CSMD1: variants seen among roughly 807,000 people sequenced by gnomAD.
CSMD1 encodes CUB and Sushi multiple domains 1.
In CSMD1, 213 loss-of-function variants were observed where a neutral mutation model predicts 417.5. That is an observed-to-expected ratio of 0.51 (90% CI 0.46 to 0.57). The LOEUF (loss-of-function observed/expected upper bound fraction) is 0.57, where lower values mean the gene tolerates loss of function less well. Ranked by LOEUF, CSMD1 falls within the 20% of genes least tolerant of loss-of-function variation. The pLI is 0.00. For synonymous variants in CSMD1, 2,862 were observed against 1,736.8 expected, an observed-to-expected ratio of 1.65 and a Z score of -16.11; for missense variants, 6,923 against 4,529.7, an observed-to-expected ratio of 1.53 and a Z score of -15.17.
chr8:3,383,643 C>T (rs11780204), intron 18 of CSMD1, among the ~76,000 whole-genome samples: 72,774 of 151,912 alleles, frequency 0.48, 17,628 homozygotes, highest in Middle Eastern at 0.51. Context: ...AGAACAACTC[C>T]AGAATAAAAG....
At chr8:3,569,498 C>T (rs76404587) in intron 10 of CSMD1, among the ~76,000 whole-genome samples, 1 of 152,124 alleles carries the variant, frequency 6.6e-6, no homozygotes, top group African/African-American at 2.4e-5. Flanking sequence ...GCGTCGGAAA[C>T]TGCTTTTCTG....
intron 11 of CSMD1, among the ~76,000 whole-genome samples, chr8:3,473,812 A>G (rs1341025615): frequency 2.6e-5 from 4 of 152,184 alleles, no homozygotes; most frequent in Non-Finnish European, 4.4e-5. Flanking sequence ...AGACTGGGTA[A>G]TTTATAAAGA....
chr8:3,083,663 T>TTTA (rs1814310454), intron 49 of CSMD1, among the ~76,000 whole-genome samples: 1 of 79,534 alleles, frequency 1.3e-5, no homozygotes, highest in Non-Finnish European at 2.5e-5. Flanking sequence ...TTTTTTTTTT[T>TTTA]TTTTTTTTTT....
intron 52 of CSMD1, among the ~76,000 whole-genome samples, chr8:3,001,638 C>A (rs76349131): frequency 0.028 from 4,285 of 152,200 alleles, 137 homozygotes; most frequent in African/African-American, 0.074. Flanking sequence ...AGGAATTTTG[C>A]AATAAAGTGA....
chr8:2,964,450 C>A (rs1464498002), intron 59 of CSMD1, among the ~76,000 whole-genome samples: 1 of 152,122 alleles, frequency 6.6e-6, no homozygotes, highest in Non-Finnish European at 1.5e-5. Flanking sequence ...TACATGGGTC[C>A]CCTGGGGGCA....
At chr8:3,748,296 TTATAA>T (rs1453969535) in intron 6 of CSMD1, among the ~76,000 whole-genome samples, 4 of 152,206 alleles carry the variant, frequency 2.6e-5, no homozygotes, top group Non-Finnish European at 4.4e-5. Flanking sequence ...TATTTAAAGG[TTATAA>T]TATATTTCAG....
chr8:4,221,080 T>C (rs1801003213), intron 3 of CSMD1, among the ~76,000 whole-genome samples: 1 of 151,952 alleles, frequency 6.6e-6, no homozygotes, highest in African/African-American at 2.4e-5. Flanking sequence ...TTTGGGGAAA[T>C]CACTTCATTT....
intron 3 of CSMD1, among the ~76,000 whole-genome samples, chr8:4,173,347 A>C (rs114150911): frequency 0.016 from 2,372 of 152,266 alleles, 61 homozygotes; most frequent in African/African-American, 0.054. Flanking sequence ...CCAGATATTC[A>C]GTATGTGGTG....
At chr8:3,842,057 G>T (rs1006224725) in intron 5 of CSMD1, among the ~76,000 whole-genome samples, 1 of 152,130 alleles carries the variant, frequency 6.6e-6, no homozygotes, top group Non-Finnish European at 1.5e-5. Context: ...TCTTAATTCT[G>T]ATAGTTAATA....
At chr8:3,854,592 A>T (rs1563147763) in intron 5 of CSMD1, among the ~76,000 whole-genome samples, 1 of 151,954 alleles carries the variant, frequency 6.6e-6, no homozygotes, top group Admixed American at 6.6e-5. Flanking sequence ...GAACTCCCTC[A>T]CCCAAGGAGA....
At chr8:4,765,367 C>T (rs550307843) in intron 1 of CSMD1, among the ~76,000 whole-genome samples, 1 of 152,142 alleles carries the variant, frequency 6.6e-6, no homozygotes, top group East Asian at 1.9e-4. Flanking sequence ...ACTGAAGAAG[C>T]ACATCATCGG....
intron 2 of CSMD1, among the ~76,000 whole-genome samples, chr8:4,509,887 C>A (rs772038132): frequency 8.5e-5 from 13 of 152,076 alleles, no homozygotes; most frequent in South Asian, 6.2e-4. Flanking sequence ...GCTCCTGTCG[C>A]CCTGACAGGG....
At chr8:4,305,128 C>T (rs949532247) in intron 3 of CSMD1, among the ~76,000 whole-genome samples, 14 of 152,278 alleles carry the variant, frequency 9.2e-5, no homozygotes, top group East Asian at 5.8e-4. Context: ...AATAATATTG[C>T]GGATACATGC....
At chr8:3,795,826 A>G (rs1258911901) in intron 5 of CSMD1, among the ~76,000 whole-genome samples, 1 of 69,054 alleles carries the variant, frequency 1.4e-5, no homozygotes, top group East Asian at 4.3e-4. Context: ...ATAGATATAT[A>G]TCTATCATGT....
At chr8:4,058,040 T>G (rs6558839) in intron 3 of CSMD1, among the ~76,000 whole-genome samples, 2 of 151,318 alleles carry the variant, frequency 1.3e-5, no homozygotes, top group Non-Finnish European at 1.5e-5. Context: ...TCCATATGAA[T>G]TTTAAAGTAG....
At chr8:4,891,537 G>A (rs1486810000) in intron 1 of CSMD1, among the ~76,000 whole-genome samples, 3 of 152,020 alleles carry the variant, frequency 2.0e-5, no homozygotes, top group Non-Finnish European at 2.9e-5. Flanking sequence ...TATTTTTATA[G>A]GGAGTTTGCC....
intron 12 of CSMD1, among the ~76,000 whole-genome samples, chr8:3,436,848 T>C (rs1452908086): frequency 6.6e-6 from 1 of 152,206 alleles, no homozygotes; most frequent in African/African-American, 2.4e-5. Context: ...TAATATGTTA[T>C]GATTCGGGAT....
chr8:4,839,386 A>G (rs1366830920), intron 1 of CSMD1, among the ~76,000 whole-genome samples: 2 of 152,236 alleles, frequency 1.3e-5, no homozygotes, highest in African/African-American at 4.8e-5. Flanking sequence ...AAAGTATCAC[A>G]TCACAGTTAG....
intron 4 of CSMD1, among the ~76,000 whole-genome samples, chr8:4,014,544 C>T (rs1796431150): frequency 6.6e-6 from 1 of 152,130 alleles, no homozygotes; most frequent in Non-Finnish European, 1.5e-5. Context: ...ATCCTAATAG[C>T]CGTTATTGGT....
Sources: allele counts gnomAD v4.1 joint callset (sites outside exome capture counted in the v4.1 genomes callset), GRCh38; gene constraint gnomAD v4.1.1; transcripts MANE v1.5; gene names NCBI Gene and HGNC (gene_info 2026-07-23, HGNC 2026-07-21).